PLCD1: variants seen among roughly 807,000 people sequenced by gnomAD.
The protein encoded by PLCD1 is 1-phosphatidylinositol 4,5-bisphosphate phosphodiesterase delta-1.
PLCD1 carries 71 observed loss-of-function variants against 87.4 expected under a neutral mutation model. The ratio of observed to expected loss-of-function variants is 0.81; its 90% CI spans 0.67 to 0.99. The LOEUF is 0.99. PLCD1 is among the 50% of genes least tolerant of loss of function. The probability of loss-of-function intolerance (pLI) is 0.00; values close to 1 mark genes in which losing one functional copy is unlikely to be tolerated. For missense variants in PLCD1, 867 were observed against 1,001.5 expected, an observed-to-expected ratio of 0.87 and a Z score of 1.81; for synonymous variants, 348 against 399.2, an observed-to-expected ratio of 0.87 and a Z score of 1.53.
chr3:38,024,509 A>T, intron 1 of PLCD1: 2 of 1,540,128 alleles, frequency 1.3e-6, no homozygotes. Context: ...TGCTCACAAC[A>T]CCCTCTGCTC....
Position 38,010,404 on chromosome 3 carries a change from C to G in PLCD1, c.949G>C (p.Glu317Gln). 6.2e-7 allele frequency: 1 copy of G among 1,614,198 alleles called. No individual in the cohort carries two copies. The change falls in exon 6 of 15, where the codon GAG becomes CAG. Residue 317 changes from glutamate (E) to glutamine (Q), a missense_variant. Glu to Gln is a conservative substitution (Grantham distance 29). Transcript: ENST00000334661. ...VSSSHNTYLL[E>Q]DQLAGPSSTE... is the part of the protein sequence containing the mutation. ...CTGCTGGGCCCGGCTAGCTGGTCCT[C>G]CAGCAGGTAGGTGTTGTGTGAAGAG...
intron 5 of PLCD1, among the ~76,000 whole-genome samples, chr3:38,010,979 C>T (rs372231523): frequency 1.3e-5 from 2 of 152,200 alleles, no homozygotes; most frequent in South Asian, 4.1e-4. Flanking sequence ...GTCCTCAAAG[C>T]CCCCTGAAGG....
chr3:38,022,710 C>G (rs183543975), intron 1 of PLCD1, among the ~76,000 whole-genome samples: 229 of 152,242 alleles, frequency 1.5e-3, no homozygotes, highest in Non-Finnish European at 2.8e-3. Context: ...GTGATAGCCA[C>G]AGCCCTCTGG....
At chr3:38,024,530 G>A (rs752433374) in intron 1 of PLCD1, 4 of 1,518,338 alleles carry the variant, frequency 2.6e-6, no homozygotes, top group South Asian at 1.2e-5. Context: ...TGGTCCGGGG[G>A]GCGGAACTGT....
chr3:38,020,356 G>C lies in PLCD1; in HGVS notation c.35-4C>G. The C allele has an allele frequency of 6.2e-7, 1 of 1,613,742 alleles. No individual in the cohort carries two copies. The highest frequency in any genetic ancestry group is 8.5e-7 in the Non-Finnish European group (1 of 1,179,932). ...AGATCCTCATCATCCTGTAGGCCTG[G>C]GGATCAAAGCCAGTAAGATGCCACC... On this transcript the variant is annotated splice_region_variant and splice_polypyrimidine_tract_variant and intron_variant, in intron 1 of 14. Coordinates refer to ENST00000334661, the MANE Select transcript of PLCD1 (RefSeq NM_006225.4).
chr3:38,012,805 C>T lies in PLCD1; in HGVS notation c.429-1132G>A, dbSNP rs573999557. ...GTGCGGGGATTACACGTGTGAGCCA[C>T]GGCACCCGGCCTATAATGAAGTTTT... On this transcript the variant is annotated intron_variant, in intron 3 of 14. Transcript: ENST00000334661. 2.5e-3 allele frequency among the ~76,000 whole-genome samples: 376 copies of T among 152,300 alleles called. 4 individuals carry two copies. Among genetic ancestry groups the T allele is most frequent in the African/African-American group, 8.4e-3 (348 of 41,562 alleles).
intron 9 of PLCD1, 28 bp from the exon 10 acceptor site, chr3:38,009,459 G>T: frequency 1.9e-6 from 3 of 1,613,472 alleles, no homozygotes; most frequent in Non-Finnish European, 2.5e-6. Flanking sequence ...GCCCGGGTTA[G>T]ATTCAGTGGT....
intron 1 of PLCD1, 31 bp downstream of exon 1, chr3:38,029,475 G>A (rs1354133249): frequency 3.3e-6 from 5 of 1,534,698 alleles, no homozygotes; most frequent in East Asian, 2.4e-5. Context: ...ACCCCTGCAG[G>A]GTCTCCCGCT....
intron 2 of PLCD1, among the ~76,000 whole-genome samples, chr3:38,019,185 T>C (rs1700198333): frequency 6.6e-6 from 1 of 152,082 alleles, no homozygotes; most frequent in East Asian, 1.9e-4. Flanking sequence ...CCTCAGCCAA[T>C]GGCAGGAGAA....
chr3:38,016,823 A>T, intron 2 of PLCD1, 104 bp from the exon 3 acceptor site: 1 of 840,298 alleles, frequency 1.2e-6, no homozygotes. Context: ...TGGCTTGGAG[A>T]CACAGAGCCA....
chr3:38,024,705 C>A (rs539854611), intron 1 of PLCD1: 3 of 1,473,740 alleles, frequency 2.0e-6, no homozygotes, highest in Admixed American at 4.2e-5. Context: ...GGACCTATGC[C>A]CCCTGAAGGT....
chr3:38,029,396 G>A, intron 1 of PLCD1, 110 bp downstream of exon 1: 3 of 937,598 alleles, frequency 3.2e-6, no homozygotes, highest in South Asian at 2.8e-5. Flanking sequence ...CGGGCCCGGG[G>A]TGGTGTGGAG....
intron 3 of PLCD1, 104 bp downstream of exon 3, chr3:38,016,387 C>T (rs1700154027): frequency 1.3e-6 from 1 of 754,692 alleles, no homozygotes; most frequent in Admixed American, 2.0e-5. Flanking sequence ...TTTGTTATGG[C>T]AGCCCAAAGT....
intron 3 of PLCD1, among the ~76,000 whole-genome samples, chr3:38,013,369 C>T (rs111970623): frequency 1.2e-3 from 187 of 151,968 alleles, no homozygotes; most frequent in Non-Finnish European, 1.6e-3. Context: ...CCCACCACCA[C>T]GCCCGGCTAA....
At position 38,008,627 on chromosome 3, in the gene PLCD1, T is replaced by C. The variant is rs1489417081; in HGVS notation, c.1733A>G (p.Asn578Ser). 1.9e-6 allele frequency: 3 copies of C among 1,614,008 alleles called. No homozygotes were observed. Among genetic ancestry groups the C allele is most frequent in the Admixed American group, 3.3e-5 (2 of 60,020 alleles). Reference sequence around the variant, plus strand: ...CATCTCTGGCCCAGGTGTCTGGAAATTCAGGGCCACTACAGGCAGGACAGA... The same window carrying C: ...CATCTCTGGCCCAGGTGTCTGGAAACTCAGGGCCACTACAGGCAGGACAGA... ...WNGGCQIVAL[N>S]FQTPGPEMDV... The change falls in exon 12 of 15, where the codon AAT (asparagine) becomes AGT (serine). Residue 578 changes from asparagine to serine, a missense_variant. Transcript: ENST00000334661.
At chr3:38,024,492 T>G (rs761842127) in intron 1 of PLCD1, 1 of 1,562,476 alleles carries the variant, frequency 6.4e-7, no homozygotes, top group East Asian at 2.4e-5. Flanking sequence ...CCGCCTCCAG[T>G]GTTTTATGCT....
chr3:38,029,427 C>T, intron 1 of PLCD1, 79 bp downstream of exon 1: 1 of 1,301,404 alleles, frequency 7.7e-7, no homozygotes, highest in Non-Finnish European at 1.1e-6. Context: ...GAGCTGGGGG[C>T]TCCCTGTCCA....
At chr3:38,020,392 GT>G (rs1700217181) in intron 1 of PLCD1, 40 bp from the exon 2 acceptor site, 1 of 1,600,232 alleles carries the variant, frequency 6.2e-7, no homozygotes, top group African/African-American at 1.3e-5. Flanking sequence ...TTCTCCACTA[GT>G]TTCCCTGATG....
In PLCD1 at chr3:38,017,304, G is replaced by A. The variant is rs547887843; in HGVS notation, c.200-585C>T. 1.2e-3 allele frequency among the ~76,000 whole-genome samples: 183 copies of A among 152,286 alleles called. No individual in the cohort carries two copies. Among genetic ancestry groups the A allele is most frequent in the Admixed American group, 2.2e-3 (33 of 15,308 alleles). ...CCCTGGGGTCTATGGGCAGAGGGCCGAAGACAGAGGGAGAAGCCCTGCATG... is the reference window on the plus strand; with the variant it reads ...CCCTGGGGTCTATGGGCAGAGGGCCAAAGACAGAGGGAGAAGCCCTGCATG... On this transcript the variant is annotated intron_variant, in intron 2 of 14. Coordinates refer to ENST00000334661, the MANE Select transcript of PLCD1 (RefSeq NM_006225.4). This position sits in a 1 kb window ranked among gnomAD's most constrained non-coding sequence, Gnocchi z 4.7.
Sources: allele counts gnomAD v4.1 joint callset (sites outside exome capture counted in the v4.1 genomes callset), GRCh38; gene constraint gnomAD v4.1.1; non-coding constraint Gnocchi (gnomAD v3.1); transcripts MANE v1.5; gene names NCBI Gene and HGNC (gene_info 2026-07-23, HGNC 2026-07-21).